Variants in LRRC49 observed in about 807,000 individuals in gnomAD.
LRRC49 encodes leucine rich repeat containing 49.
LRRC49 carries 50 observed loss-of-function variants against 83.3 expected under a neutral mutation model. The observed-to-expected ratio is 0.60, with a 90% confidence interval of 0.48 to 0.76. LRRC49 has a LOEUF of 0.76. Ranked by LOEUF, LRRC49 falls within the 30% of genes least tolerant of loss-of-function variation. LRRC49 has a pLI of 0.00. For missense variants in LRRC49, 704 were observed against 809.1 expected, an observed-to-expected ratio of 0.87 and a Z score of 1.58; for synonymous variants, 286 against 283.3, an observed-to-expected ratio of 1.01 and a Z score of -0.10.
rs550234731 is a variant in LRRC49 at position 70,981,340 on chromosome 15, G to T, written c.1005+1156G>T. On this transcript the variant is annotated intron_variant, in intron 10 of 15. Coordinates refer to ENST00000260382, the MANE Select transcript of LRRC49 (RefSeq NM_017691.5). ...AGGGGAACATCACACACCGGGGCCT[G>T]TTGGAGGGTGGGGGGGCTAGGGGAC... 4.5e-4 allele frequency among the ~76,000 whole-genome samples: 64 copies of T among 143,504 alleles called. 1 individual carries two copies. The highest frequency in any genetic ancestry group is 5.3e-4 in the Non-Finnish European group (35 of 65,892). 94.1% of individuals were successfully genotyped at this position (143,504 alleles called of 152,430 possible). A position where few individuals can be genotyped will look rare whatever the true frequency, so the allele number is the denominator to read the frequency against.
intron 14 of LRRC49, among the ~76,000 whole-genome samples, chr15:71,034,102 C>T (rs2039444398): frequency 6.6e-6 from 1 of 152,060 alleles, no homozygotes; most frequent in Non-Finnish European, 1.5e-5. Flanking sequence ...ACAAGGCAAC[C>T]TACAGAATGG....
chr15:70,927,128 G>A (rs145309547), intron 7 of LRRC49, among the ~76,000 whole-genome samples: 186 of 152,232 alleles, frequency 1.2e-3, no homozygotes, highest in African/African-American at 4.4e-3. Flanking sequence ...TTTATGAAGT[G>A]ATTATACCAT....
intron 11 of LRRC49, among the ~76,000 whole-genome samples, chr15:71,002,783 A>C (rs1332443179): frequency 6.6e-6 from 1 of 152,142 alleles, no homozygotes; most frequent in Non-Finnish European, 1.5e-5. Context: ...GGTTAAAAAA[A>C]CAATAATAAT....
chr15:70,948,995 G>A (rs1157611858), intron 8 of LRRC49, among the ~76,000 whole-genome samples: 1 of 152,080 alleles, frequency 6.6e-6, no homozygotes, highest in East Asian at 1.9e-4. Flanking sequence ...GTAAATGAAT[G>A]GGCAGAGCTG....
intron 1 of LRRC49, among the ~76,000 whole-genome samples, chr15:70,857,485 C>G (rs1254353137): frequency 2.6e-5 from 4 of 151,934 alleles, no homozygotes; most frequent in African/African-American, 9.7e-5. Context: ...AACAGAGACC[C>G]CATCTTCAAA....
At chr15:71,032,877 C>T (rs191938608) in intron 14 of LRRC49, among the ~76,000 whole-genome samples, 5 of 152,078 alleles carry the variant, frequency 3.3e-5, no homozygotes, top group Admixed American at 2.6e-4. Flanking sequence ...TAATAGGAGT[C>T]ATTTATGATA....
intron 8 of LRRC49, among the ~76,000 whole-genome samples, chr15:70,951,976 G>A (rs1338778208): frequency 6.6e-6 from 1 of 152,062 alleles, no homozygotes; most frequent in African/African-American, 2.4e-5. Context: ...AACATGAAGG[G>A]ATGATGAATT....
intron 14 of LRRC49, among the ~76,000 whole-genome samples, chr15:71,023,523 G>C (rs926157846): frequency 6.6e-6 from 1 of 152,124 alleles, no homozygotes; most frequent in African/African-American, 2.4e-5. Flanking sequence ...CCCTCTTATT[G>C]AGACTGACTT....
intron 15 of LRRC49, among the ~76,000 whole-genome samples, chr15:71,040,345 C>T (rs1404932645): frequency 6.6e-6 from 1 of 152,108 alleles, no homozygotes; most frequent in Non-Finnish European, 1.5e-5. Flanking sequence ...GTATCCATAC[C>T]TTATATAATC....
At chr15:70,919,443 G>T (rs1433245535) in intron 7 of LRRC49, among the ~76,000 whole-genome samples, 1 of 152,164 alleles carries the variant, frequency 6.6e-6, no homozygotes, top group Non-Finnish European at 1.5e-5. Context: ...TGAATCATTT[G>T]GTGTAAATGA....
At chr15:70,856,742 C>T (rs1178855562) in intron 1 of LRRC49, among the ~76,000 whole-genome samples, 2 of 152,142 alleles carry the variant, frequency 1.3e-5, no homozygotes, top group Non-Finnish European at 2.9e-5. Flanking sequence ...CCCAGTGAGG[C>T]TTAGAGGGAA....
intron 9 of LRRC49, among the ~76,000 whole-genome samples, chr15:70,976,731 T>A (rs548243776): frequency 6.6e-6 from 1 of 152,160 alleles, no homozygotes; most frequent in Non-Finnish European, 1.5e-5. Flanking sequence ...TATTTTTTGC[T>A]ATGTAAAGGA....
chr15:70,855,620 G>T (rs369893728), intron 1 of LRRC49, among the ~76,000 whole-genome samples: 1 of 152,170 alleles, frequency 6.6e-6, no homozygotes, highest in African/African-American at 2.4e-5. Flanking sequence ...GGGCAGGGCT[G>T]GGGAGAGACC....
intron 8 of LRRC49, among the ~76,000 whole-genome samples, chr15:70,939,429 T>C (rs2141162119): frequency 6.6e-6 from 1 of 152,296 alleles, no homozygotes; most frequent in South Asian, 2.1e-4. Flanking sequence ...TTAGTCTGTG[T>C]TTAATGTGTG....
At chr15:70,933,989 G>A (rs1256340125) in intron 7 of LRRC49, among the ~76,000 whole-genome samples, 1 of 152,134 alleles carries the variant, frequency 6.6e-6, no homozygotes, top group African/African-American at 2.4e-5. Context: ...GGTGATCTGT[G>A]TTTCATTTTT....
intron 2 of LRRC49, among the ~76,000 whole-genome samples, chr15:70,879,940 TA>T (rs2033229764): frequency 1.3e-5 from 2 of 152,294 alleles, no homozygotes; most frequent in South Asian, 4.1e-4. Flanking sequence ...AAATAGAATT[TA>T]AGCCCAGAAT....
chr15:70,980,670 C>G (rs116374684), intron 10 of LRRC49, among the ~76,000 whole-genome samples: 41 of 151,248 alleles, frequency 2.7e-4, no homozygotes, highest in African/African-American at 8.5e-4. Flanking sequence ...TTGTTTTAAA[C>G]TGGTTTTAAA....
At chr15:71,012,619 C>T (rs529840906) in intron 13 of LRRC49, among the ~76,000 whole-genome samples, 185 bp from the exon 14 acceptor site, 1 of 152,094 alleles carries the variant, frequency 6.6e-6, no homozygotes, top group Non-Finnish European at 1.5e-5. Flanking sequence ...CACAATTATA[C>T]GTCTTCATTT....
intron 6 of LRRC49, chr15:70,918,717 G>A (rs1444306260): frequency 1.1e-5 from 2 of 178,064 alleles, no homozygotes; most frequent in Non-Finnish European, 2.3e-5. Context: ...ATCACAGTAT[G>A]TTTCTATTTG....
Sources: allele counts gnomAD v4.1 joint callset (sites outside exome capture counted in the v4.1 genomes callset), GRCh38; gene constraint gnomAD v4.1.1; transcripts MANE v1.5; gene names NCBI Gene and HGNC (gene_info 2026-07-23, HGNC 2026-07-21).